MCM9: variants seen among roughly 807,000 people sequenced by gnomAD.
The protein encoded by MCM9 is minichromosome maintenance 9 homologous recombination repair factor.
In MCM9, 55 loss-of-function variants were observed where a neutral mutation model predicts 72.8. The observed-to-expected ratio is 0.76, with a 90% CI of 0.61 to 0.95. The LOEUF (loss-of-function observed/expected upper bound fraction) is 0.95. Ranked by LOEUF, MCM9 falls within the 40% of genes least tolerant of loss-of-function variation. The pLI is 0.00. For missense variants in MCM9, 1,279 were observed against 1,377.0 expected (o/e 0.93, Z 1.13); for synonymous variants, 480 against 503.4 (o/e 0.95, Z 0.62).
chr6:118,845,681 A>G (rs1299772801), intron 9 of MCM9, among the ~76,000 whole-genome samples: 1 of 151,872 alleles, frequency 6.6e-6, no homozygotes, highest in African/African-American at 2.4e-5. Context: ...AGTCTACAAT[A>G]AACCATCCTA....
At chr6:118,886,598 T>C (rs1358478417) in intron 8 of MCM9, among the ~76,000 whole-genome samples, 2 of 151,820 alleles carry the variant, frequency 1.3e-5, no homozygotes, top group Non-Finnish European at 2.9e-5. Flanking sequence ...TCCATTACAA[T>C]AGCATCAAAA....
intron 9 of MCM9, among the ~76,000 whole-genome samples, chr6:118,837,132 CCAGTAGT>C (rs1775017060): frequency 6.6e-6 from 1 of 152,060 alleles, no homozygotes; most frequent in Non-Finnish European, 1.5e-5. Flanking sequence ...CGTTATTTAC[CCAGTAGT>C]CATTCAGGAG....
chr6:118,881,089 G>A (rs1308429496), intron 8 of MCM9, among the ~76,000 whole-genome samples: 2 of 152,098 alleles, frequency 1.3e-5, no homozygotes, highest in Admixed American at 6.6e-5. Flanking sequence ...ATATCTTACT[G>A]TAATGAACTC....
chr6:118,830,827 T>A (rs1399345373), intron 9 of MCM9, among the ~76,000 whole-genome samples: 1 of 152,194 alleles, frequency 6.6e-6, no homozygotes, highest in East Asian at 1.9e-4. Context: ...TCCAAAAAGG[T>A]ACATATCTGA....
Position 118,895,074 on chromosome 6 carries a change from G to C in MCM9, c.1150+16576C>G, listed in dbSNP as rs547366218. ...ACTCTCGAGAGCTCACGGTGGAGTC[G>C]CCGCACTCTCCGGGCTGGCCATGCC... On this transcript the variant is annotated intron_variant, in intron 8 of 13. Coordinates refer to ENST00000619706, the MANE Select transcript of MCM9 (RefSeq NM_017696.3). Among the ~76,000 whole-genome samples, 9 of 152,150 alleles carry C rather than the reference G, an allele frequency of 5.9e-5. No homozygotes were observed. The East Asian group carries it at 1.7e-3, about 30-fold the overall frequency.
At chr6:118,928,639 G>C (rs1334926316) in intron 3 of MCM9, among the ~76,000 whole-genome samples, 1 of 151,452 alleles carries the variant, frequency 6.6e-6, no homozygotes, top group African/African-American at 2.4e-5. Context: ...CTTGAGGCTA[G>C]GAGTTCAAGA....
Position 118,856,481 on chromosome 6 carries a change from A to T in MCM9, c.1215T>A (p.Leu405=). ...CAATACAGCAAAGGCCCGCATCTGCAAGAACTAATGCCCCAGCCTCCAAAT... is the reference window on the plus strand; with the variant it reads ...CAATACAGCAAAGGCCCGCATCTGCTAGAACTAATGCCCCAGCCTCCAAAT... ...EWNLEAGALV[L]ADAGLCCIDE... Residue 405 remains leucine, a synonymous_variant, in exon 9 of 14, where the codon CTT becomes CTA. Transcript: ENST00000619706. 6.5e-7 allele frequency: 1 copy of T among 1,535,662 alleles called. No homozygotes were observed. The highest frequency in any genetic ancestry group is 8.7e-7 in the Non-Finnish European group (1 of 1,146,866).
intron 13 of MCM9, among the ~76,000 whole-genome samples, chr6:118,823,999 C>G (rs947495428): frequency 1.4e-5 from 2 of 143,786 alleles, no homozygotes; most frequent in African/African-American, 5.1e-5. Flanking sequence ...TACATTCATT[C>G]ACAGTAGGTT....
In MCM9 at chr6:118,814,819, C is replaced by A; in HGVS notation, c.*5G>T. ...GGTGAGATTTGACCAGAAAGCTTTTCCCAACTATGACTTTTTTCTCATCTC... is the reference window on the plus strand; with the variant it reads ...GGTGAGATTTGACCAGAAAGCTTTTACCAACTATGACTTTTTTCTCATCTC... On this transcript the variant is annotated 3_prime_UTR_variant, in exon 14 of 14. Transcript: ENST00000619706. 1 of 1,485,576 alleles carries A rather than the reference C, an allele frequency of 6.7e-7. No homozygotes were observed. Among genetic ancestry groups the A allele is most frequent in the Admixed American group, 2.5e-5 (1 of 40,272 alleles). 92.0% of individuals were successfully genotyped at this position (1,485,576 alleles called of 1,614,324 possible).
At chr6:118,822,353 A>G (rs1273109326) in intron 13 of MCM9, among the ~76,000 whole-genome samples, 2 of 151,974 alleles carry the variant, frequency 1.3e-5, no homozygotes, top group African/African-American at 4.8e-5. Flanking sequence ...TCTGTTTGCT[A>G]GTTTTTCTTC....
intron 8 of MCM9, among the ~76,000 whole-genome samples, chr6:118,883,981 T>C (rs1778451204): frequency 6.6e-6 from 1 of 152,090 alleles, no homozygotes; most frequent in African/African-American, 2.4e-5. Flanking sequence ...AGCAATTGTA[T>C]AAAAAAGTAT....
At chr6:118,863,948 C>T (rs1777059158) in intron 8 of MCM9, among the ~76,000 whole-genome samples, 3 of 151,414 alleles carry the variant, frequency 2.0e-5, no homozygotes, top group Admixed American at 2.0e-4. Context: ...TATCAATAAT[C>T]ACCTTAAACA....
intron 8 of MCM9, among the ~76,000 whole-genome samples, chr6:118,881,754 C>T (rs1275065923): frequency 6.6e-6 from 1 of 152,176 alleles, no homozygotes; most frequent in African/African-American, 2.4e-5. Context: ...ACCATTTATA[C>T]AGACTATGGA....
chr6:118,929,952 G>A (rs1043362860), intron 3 of MCM9, among the ~76,000 whole-genome samples: 3 of 152,022 alleles, frequency 2.0e-5, no homozygotes, highest in Non-Finnish European at 4.4e-5. Context: ...TTTAAATTAA[G>A]TATTTGGTCT....
At chr6:118,920,411 A>G (rs894521265) in intron 5 of MCM9, 2 of 152,262 alleles carry the variant, frequency 1.3e-5, no homozygotes, top group African/African-American at 2.4e-5. Flanking sequence ...TGAGAAATAA[A>G]TATTTGTTGT....
intron 7 of MCM9, chr6:118,913,005 C>T (rs745825728): frequency 4.9e-5 from 13 of 264,132 alleles, no homozygotes; most frequent in Non-Finnish European, 7.9e-5. Context: ...GGGGATCCAA[C>T]AAAAAACACA....
intron 8 of MCM9, among the ~76,000 whole-genome samples, chr6:118,869,798 G>A (rs766256941): frequency 1.3e-5 from 2 of 151,954 alleles, no homozygotes; most frequent in Non-Finnish European, 2.9e-5. Flanking sequence ...GAAAGTGAAG[G>A]GATGGAGAAA....
At chr6:118,882,223 A>C (rs922161336) in intron 8 of MCM9, among the ~76,000 whole-genome samples, 3 of 152,158 alleles carry the variant, frequency 2.0e-5, no homozygotes, top group African/African-American at 7.2e-5. Flanking sequence ...AGAGGCTACC[A>C]TTTCCGCCCC....
At chr6:118,858,196 G>T (rs938394935) in intron 8 of MCM9, among the ~76,000 whole-genome samples, 2 of 152,120 alleles carry the variant, frequency 1.3e-5, no homozygotes, top group Non-Finnish European at 2.9e-5. Flanking sequence ...GGAATGCAAG[G>T]TGAAGTTAAC....
Sources: allele counts gnomAD v4.1 joint callset (sites outside exome capture counted in the v4.1 genomes callset), GRCh38; gene constraint gnomAD v4.1.1; transcripts MANE v1.5; gene names NCBI Gene and HGNC (gene_info 2026-07-23, HGNC 2026-07-21).